Variants in PLCB1 observed in about 807,000 individuals in gnomAD.
The protein encoded by PLCB1 is phospholipase C beta 1.
A neutral mutation model predicts 161.8 loss-of-function variants in PLCB1; 46 were observed. The observed-to-expected ratio is 0.28, with a 90% CI of 0.22 to 0.36. The LOEUF (loss-of-function observed/expected upper bound fraction) is 0.36. PLCB1 is among the 10% of genes least tolerant of loss of function. The pLI, the probability that PLCB1 is intolerant of heterozygous loss-of-function variation, is 1.00. For missense variants in PLCB1, 1,016 were observed against 1,472.5 expected (o/e 0.69, Z 5.07); for synonymous variants, 517 against 503.7 (o/e 1.03, Z -0.35).
At chr20:8,780,816 A>G (rs988708383) in intron 27 of PLCB1, among the ~76,000 whole-genome samples, 1 of 152,168 alleles carries the variant, frequency 6.6e-6, no homozygotes, top group Non-Finnish European at 1.5e-5. Context: ...TGACCACCTG[A>G]ATGTCAATTT....
At chr20:8,686,836 A>G (rs1001656335) in intron 10 of PLCB1, among the ~76,000 whole-genome samples, 1 of 152,156 alleles carries the variant, frequency 6.6e-6, no homozygotes, top group Admixed American at 6.6e-5. Flanking sequence ...AGAGATGGAA[A>G]CAGACTATTC....
chr20:8,744,342 G>A (rs1027336805), intron 23 of PLCB1, among the ~76,000 whole-genome samples: 3 of 152,062 alleles, frequency 2.0e-5, no homozygotes, highest in Non-Finnish European at 4.4e-5. Flanking sequence ...TGTCTCTAAG[G>A]AATAAGCACT....
rs556314852 is a variant in PLCB1 at position 8,195,368 on chromosome 20, G to C, written c.177+44997G>C. 2.6e-5 allele frequency among the ~76,000 whole-genome samples: 4 copies of C among 152,132 alleles called. No homozygotes were observed. The East Asian group carries it at 7.8e-4, about 29-fold the overall frequency. ...GAGGGGTGATTAGGGCATGGGGGCAGAGCCCTCATAAATGGGATTAGTGCC... is the reference window on the plus strand; with the variant it reads ...GAGGGGTGATTAGGGCATGGGGGCACAGCCCTCATAAATGGGATTAGTGCC... On this transcript the variant is annotated intron_variant, in intron 2 of 31. Transcript: ENST00000338037.
At chr20:8,812,867 G>A (rs1187051098) in intron 31 of PLCB1, among the ~76,000 whole-genome samples, 1 of 152,210 alleles carries the variant, frequency 6.6e-6, no homozygotes, top group Non-Finnish European at 1.5e-5. Flanking sequence ...TTAACAGTTA[G>A]AAGGACTAGG....
chr20:8,515,892 A>C (rs1416563865), intron 3 of PLCB1, among the ~76,000 whole-genome samples: 1 of 152,198 alleles, frequency 6.6e-6, no homozygotes, highest in East Asian at 1.9e-4. Flanking sequence ...ATAAAGACAT[A>C]CCCAAGAATG....
Position 8,132,423 on chromosome 20 carries a change from C to G in PLCB1, c.-229C>G, listed in dbSNP as rs1196340202. ...TCCTCATCCACCGCGGGCTCCAGAC[C>G]TCGCGTCCCGCCCGGGGCATGGCCG... On this transcript the variant is annotated 5_prime_UTR_variant, in exon 1 of 32. Transcript: ENST00000338037. The surrounding 1 kb of genome is among the most constrained non-coding windows in gnomAD (Gnocchi z 5.2). 4 of 302,054 alleles carry G rather than the reference C, an allele frequency of 1.3e-5. No homozygotes were observed. Among genetic ancestry groups the G allele is most frequent in the Non-Finnish European group, 2.4e-5 (4 of 165,026 alleles). 18.7% of individuals were successfully genotyped at this position (302,054 alleles called of 1,614,324 possible).
intron 26 of PLCB1, among the ~76,000 whole-genome samples, chr20:8,772,524 C>T (rs186521400): frequency 1.4e-3 from 215 of 152,152 alleles, no homozygotes; most frequent in African/African-American, 4.8e-3. Flanking sequence ...TACTCGGATA[C>T]GAGTGTGCCC....
chr20:8,662,581 T>C (rs1989707177), intron 9 of PLCB1, among the ~76,000 whole-genome samples: 1 of 145,714 alleles, frequency 6.9e-6, no homozygotes, highest in South Asian at 2.1e-4. Context: ...ATTATTAACA[T>C]AATATCTAAA....
At chr20:8,512,734 A>T (rs1055300524) in intron 3 of PLCB1, among the ~76,000 whole-genome samples, 1 of 152,178 alleles carries the variant, frequency 6.6e-6, no homozygotes. Flanking sequence ...ATACATGTAT[A>T]CATTGTGGAA....
chr20:8,881,707 A>T lies in PLCB1; in HGVS notation c.3509A>T (p.Lys1170Ile). 6.2e-7 allele frequency: 1 copy of T among 1,614,048 alleles called. No individual in the cohort carries two copies. The highest frequency in any genetic ancestry group is 8.5e-7 in the Non-Finnish European group (1 of 1,179,966). Residue 1170 changes from lysine (K) to isoleucine (I), a missense_variant, in exon 32 of 32, where the codon AAA becomes ATA. This residue lies in a region of PLCB1 where 398 missense variants were observed against 445.4 expected (regional missense o/e 0.89). Transcript: ENST00000338037. ...EILEFVQEAMKGKISEDSNHG... is the reference protein window; with the variant it reads ...EILEFVQEAMIGKISEDSNHG... ...TTGGAATTCGTGCAGGAAGCCATGAAAGGAAAGATCAGTGAAGACAGCAAT... is the reference window on the plus strand; with the variant it reads ...TTGGAATTCGTGCAGGAAGCCATGATAGGAAAGATCAGTGAAGACAGCAAT...
At chr20:8,637,504 T>C (rs941261868) in intron 4 of PLCB1, among the ~76,000 whole-genome samples, 5 of 152,048 alleles carry the variant, frequency 3.3e-5, no homozygotes, top group Non-Finnish European at 4.4e-5. Context: ...AACTGGAAGA[T>C]GACAGATAAA....
chr20:8,214,236 T>C (rs557565782), intron 2 of PLCB1, among the ~76,000 whole-genome samples: 1 of 152,246 alleles, frequency 6.6e-6, no homozygotes, highest in Non-Finnish European at 1.5e-5. Flanking sequence ...CCTGTTGAAC[T>C]GTAATCCCCA....
At chr20:8,524,004 A>G (rs996265063) in intron 3 of PLCB1, among the ~76,000 whole-genome samples, 1 of 152,176 alleles carries the variant, frequency 6.6e-6, no homozygotes, top group Admixed American at 6.5e-5. Flanking sequence ...ATTTTAAAAT[A>G]CCAAAAAGCT....
intron 3 of PLCB1, among the ~76,000 whole-genome samples, chr20:8,414,738 T>C (rs1979197481): frequency 6.6e-6 from 1 of 151,944 alleles, no homozygotes; most frequent in Non-Finnish European, 1.5e-5. Context: ...TGTGGAGCAT[T>C]GGAAATGTGA....
intron 3 of PLCB1, among the ~76,000 whole-genome samples, chr20:8,548,754 T>A (rs1164878403): frequency 8.8e-6 from 1 of 113,690 alleles, no homozygotes; most frequent in Non-Finnish European, 2.0e-5. Context: ...TATTTGGTAT[T>A]ACTTAATTTT....
chr20:8,754,225 A>T (rs1460326632), intron 23 of PLCB1, among the ~76,000 whole-genome samples: 1 of 152,094 alleles, frequency 6.6e-6, no homozygotes, highest in Non-Finnish European at 1.5e-5. Flanking sequence ...ATAAGCAGAG[A>T]TTTATTTTTT....
At chr20:8,553,155 A>G (rs185588683) in intron 3 of PLCB1, among the ~76,000 whole-genome samples, 10 of 152,326 alleles carry the variant, frequency 6.6e-5, no homozygotes, top group Admixed American at 5.2e-4. Context: ...GGGTGATTTT[A>G]TAACCTGCAT....
intron 3 of PLCB1, among the ~76,000 whole-genome samples, chr20:8,480,245 GC>G (rs1447682777): frequency 2.0e-5 from 3 of 152,130 alleles, no homozygotes; most frequent in Non-Finnish European, 4.4e-5. Flanking sequence ...CAATCCCCAA[GC>G]TGAACAGAGA....
intron 2 of PLCB1, among the ~76,000 whole-genome samples, chr20:8,329,304 T>C (rs1404451921): frequency 2.6e-5 from 4 of 151,144 alleles, no homozygotes; most frequent in African/African-American, 9.7e-5. Flanking sequence ...CATTTTGTCT[T>C]AGCCTAAAAT....
Sources: allele counts gnomAD v4.1 joint callset (sites outside exome capture counted in the v4.1 genomes callset), GRCh38; gene constraint gnomAD v4.1.1; regional missense constraint gnomAD v4.1.1; non-coding constraint Gnocchi (gnomAD v3.1); transcripts MANE v1.5; gene names NCBI Gene and HGNC (gene_info 2026-07-23, HGNC 2026-07-21).